The following IGSF21 variants were observed in gnomAD, a reference collection of about 807,000 sequenced individuals.
The protein encoded by IGSF21 is immunoglobin superfamily member 21, also known as immunoglobulin superfamily member 21.
Under a neutral mutation model 46.8 loss-of-function variants are expected in IGSF21, and 28 were observed. The ratio of observed to expected loss-of-function variants is 0.60; its 90% CI spans 0.44 to 0.82. The LOEUF (loss-of-function observed/expected upper bound fraction) is 0.82. Among genes scored for constraint, IGSF21 ranks in the 40% least tolerant of loss-of-function variants. The pLI, the probability that IGSF21 is intolerant of heterozygous loss-of-function variation, is 0.00. For missense variants in IGSF21, 624 were observed against 665.5 expected, an observed-to-expected ratio of 0.94 and a Z score of 0.69; for synonymous variants, 284 against 273.6, an observed-to-expected ratio of 1.04 and a Z score of -0.38.
intron 2 of IGSF21, among the ~76,000 whole-genome samples, chr1:18,234,470 T>C (rs1238676902): frequency 6.6e-6 from 1 of 152,204 alleles, no homozygotes; most frequent in Non-Finnish European, 1.5e-5. Flanking sequence ...TCCATTGTAA[T>C]CTGTATTCGT....
intron 1 of IGSF21, among the ~76,000 whole-genome samples, chr1:18,208,754 C>T (rs2084360727): frequency 6.6e-6 from 1 of 151,914 alleles, no homozygotes; most frequent in African/African-American, 2.4e-5. Context: ...TAGCCCCAAA[C>T]TGAATGTCCT....
At chr1:18,313,903 A>G (rs2085514890) in intron 3 of IGSF21, among the ~76,000 whole-genome samples, 1 of 152,136 alleles carries the variant, frequency 6.6e-6, no homozygotes, top group Non-Finnish European at 1.5e-5. Flanking sequence ...AAACTTGGAA[A>G]CAGTTTTGAA....
intron 1 of IGSF21, among the ~76,000 whole-genome samples, chr1:18,141,955 A>C (rs1428331085): frequency 6.6e-6 from 1 of 152,182 alleles, no homozygotes; most frequent in African/African-American, 2.4e-5. Context: ...CTGTGGTCCC[A>C]GCTACTTGGG....
chr1:18,215,285 C>T (rs1197949879), intron 1 of IGSF21, among the ~76,000 whole-genome samples: 1 of 152,142 alleles, frequency 6.6e-6, no homozygotes, highest in Non-Finnish European at 1.5e-5. Flanking sequence ...TCAATGTGTC[C>T]TCAATGCCAG....
chr1:18,311,618 A>G (rs998188090), intron 3 of IGSF21, among the ~76,000 whole-genome samples: 2 of 152,232 alleles, frequency 1.3e-5, no homozygotes, highest in African/African-American at 4.8e-5. Context: ...TAATAAAGAC[A>G]TACCCGAGAC....
In IGSF21 at chr1:18,244,758, AT is replaced by A. The variant is rs369322979; in HGVS notation, c.183+16756del. On this transcript the variant is annotated intron_variant, in intron 2 of 9. Coordinates refer to ENST00000251296, the MANE Select transcript of IGSF21 (RefSeq NM_032880.5). The stretch of plus-strand genomic sequence containing the variant: ...TACTGACACTTATCAGTGCTAATAG[AT>A]TTTTTTTATTTTGATCTTTTGCATT... 2.6e-4 allele frequency among the ~76,000 whole-genome samples: 40 copies of A among 152,122 alleles called. 1 individual carries two copies. In the Middle Eastern group the frequency reaches 0.01, roughly 39 times the overall value.
rs1316596386 is a variant in IGSF21 at position 18,311,154 on chromosome 1, C to T, written c.305+19167C>T. Among the ~76,000 whole-genome samples the T allele has an allele frequency of 1.3e-5, 2 of 152,162 alleles. 1 individual carries two copies. The highest frequency in any genetic ancestry group is 2.9e-5 in the Non-Finnish European group (2 of 68,030). ...CAAAGAACATGTACACATTCACATC[C>T]CTGCCAGCAGGATATGAGAGCCCCA... On this transcript the variant is annotated intron_variant, in intron 3 of 9. Transcript: ENST00000251296.
chr1:18,214,081 C>T (rs2084418924), intron 1 of IGSF21, among the ~76,000 whole-genome samples: 1 of 152,130 alleles, frequency 6.6e-6, no homozygotes, highest in South Asian at 2.1e-4. Context: ...ATATCATTAT[C>T]AATAATGAAA....
rs1054022207 is a variant in IGSF21 at position 18,335,607 on chromosome 1, C to T, written c.424+597C>T. Among the ~76,000 whole-genome samples the T allele has an allele frequency of 1.3e-5, 2 of 152,166 alleles. No homozygotes were observed. Among genetic ancestry groups the T allele is most frequent in the Admixed American group, 6.5e-5 (1 of 15,288 alleles). On this transcript the variant is annotated intron_variant, in intron 4 of 9. Coordinates refer to ENST00000251296, the MANE Select transcript of IGSF21 (RefSeq NM_032880.5). The surrounding 1 kb of genome is among the most constrained non-coding windows in gnomAD (Gnocchi z 4.8). ...CTGCTCTGCACGTTCTCAGAAGCCC[C>T]CACTGGCTCTAATGTTCTTGTCAGA...
chr1:18,286,514 C>T (rs223194), intron 2 of IGSF21, among the ~76,000 whole-genome samples: 24,780 of 152,160 alleles, frequency 0.16, 2,350 homozygotes, highest in African/African-American at 0.26. Flanking sequence ...TCCAGGTGTA[C>T]GCTTTGCAGA....
Position 18,290,766 on chromosome 1 carries a change from G to C in IGSF21, c.184-1100G>C, listed in dbSNP as rs2085257320. 6.6e-6 allele frequency among the ~76,000 whole-genome samples: 1 copy of C among 152,066 alleles called. No homozygotes were observed. Among genetic ancestry groups the C allele is most frequent in the South Asian group, 2.1e-4 (1 of 4,824 alleles). ...ACTCCAATCCTCACCTTTTTGCCTGGGGAAGCTGCTTTCAGCATCCCCCCT... is the reference window on the plus strand; with the variant it reads ...ACTCCAATCCTCACCTTTTTGCCTGCGGAAGCTGCTTTCAGCATCCCCCCT... On this transcript the variant is annotated intron_variant, in intron 2 of 9. Transcript: ENST00000251296. The surrounding 1 kb of genome is among the most constrained non-coding windows in gnomAD (Gnocchi z 4.2).
intron 2 of IGSF21, among the ~76,000 whole-genome samples, chr1:18,291,373 T>G (rs2085265018): frequency 6.6e-6 from 1 of 152,202 alleles, no homozygotes; most frequent in African/African-American, 2.4e-5. Flanking sequence ...CCTCCCGGGC[T>G]CCCTGCCTCT....
chr1:18,311,008 T>G (rs1201348232), intron 3 of IGSF21, among the ~76,000 whole-genome samples: 1 of 152,170 alleles, frequency 6.6e-6, no homozygotes, highest in Non-Finnish European at 1.5e-5. Context: ...CTTAACTTGA[T>G]TACATCTGCA....
chr1:18,245,879 C>T (rs925060739), intron 2 of IGSF21, among the ~76,000 whole-genome samples: 1 of 152,186 alleles, frequency 6.6e-6, no homozygotes, highest in Non-Finnish European at 1.5e-5. Flanking sequence ...AACACATTAA[C>T]CCTCAGGTCA....
At chr1:18,224,330 G>C (rs1490473591) in intron 1 of IGSF21, among the ~76,000 whole-genome samples, 1 of 152,100 alleles carries the variant, frequency 6.6e-6, no homozygotes, top group African/African-American at 2.4e-5. Flanking sequence ...CTTTGCGCTT[G>C]ACATGTCTTC....
intron 4 of IGSF21, among the ~76,000 whole-genome samples, chr1:18,344,807 C>A (rs1165714052): frequency 6.6e-6 from 1 of 152,186 alleles, no homozygotes; most frequent in African/African-American, 2.4e-5. Flanking sequence ...TCAGCTCCTT[C>A]CTCTGTCTTA....
intron 3 of IGSF21, among the ~76,000 whole-genome samples, chr1:18,325,265 C>T (rs757958474): frequency 2.6e-5 from 4 of 152,140 alleles, no homozygotes; most frequent in Non-Finnish European, 5.9e-5. Flanking sequence ...GTCCATTCAA[C>T]GATATTCATT....
At chr1:18,359,388 AAGGAAGGAAGGAAGGAAGG>A (rs2086066192) in intron 4 of IGSF21, among the ~76,000 whole-genome samples, 7 of 78,410 alleles carry the variant, frequency 8.9e-5, no homozygotes, top group Non-Finnish European at 1.6e-4. Context: ...GAAAGAAAGG[AAGGAAGGAAGGAAGGAAGG>A]AAGGAAGGAA....
At position 18,355,922 on chromosome 1, in the gene IGSF21, G is replaced by A. The variant is rs191118637; in HGVS notation, c.425-6193G>A. Among the ~76,000 whole-genome samples, 225 of 136,608 alleles carry A rather than the reference G, an allele frequency of 1.6e-3. 2 individuals are homozygous for A. The highest frequency in any genetic ancestry group is 2.1e-3 in the Non-Finnish European group (139 of 65,822). 89.6% of individuals were successfully genotyped at this position (136,608 alleles called of 152,430 possible). A position where few individuals can be genotyped will look rare whatever the true frequency, so the allele number is the denominator to read the frequency against. On this transcript the variant is annotated intron_variant, in intron 4 of 9. Coordinates refer to ENST00000251296, the MANE Select transcript of IGSF21 (RefSeq NM_032880.5). Reference sequence around the variant, plus strand: ...ACAGTCTCGGCTCACTGCAACCTCCGCCTTCCGGGTTCAAGCGATTCTCCT... The same window carrying A: ...ACAGTCTCGGCTCACTGCAACCTCCACCTTCCGGGTTCAAGCGATTCTCCT...
Sources: allele counts gnomAD v4.1 joint callset (sites outside exome capture counted in the v4.1 genomes callset), GRCh38; gene constraint gnomAD v4.1.1; non-coding constraint Gnocchi (gnomAD v3.1); transcripts MANE v1.5; gene names NCBI Gene and HGNC (gene_info 2026-07-23, HGNC 2026-07-21).